MYH9: variants seen among roughly 807,000 people sequenced by gnomAD.
The protein encoded by MYH9 is myosin heavy chain 9, also known as myosin-9.
A neutral mutation model predicts 241.9 loss-of-function variants in MYH9; 29 were observed. That is an observed-to-expected ratio of 0.12 (90% CI 0.09 to 0.16). The LOEUF (loss-of-function observed/expected upper bound fraction) is 0.16, where lower values mean the gene tolerates loss of function less well. MYH9 is among the 10% of genes least tolerant of loss of function. The pLI, the probability that MYH9 is intolerant of heterozygous loss-of-function variation, is 1.00. For missense variants in MYH9, 1,803 were observed against 2,595.5 expected (o/e 0.69, Z 6.63); for synonymous variants, 1,047 against 1,062.6 (o/e 0.99, Z 0.29).
chr22:36,284,603 T>G, intron 38 of MYH9, 92 bp from the exon 39 acceptor site: 1 of 1,217,644 alleles, frequency 8.2e-7, no homozygotes, highest in Non-Finnish European at 1.2e-6. Context: ...TCCCCGGGGC[T>G]CACTGGCATC....
intron 31 of MYH9, 68 bp downstream of exon 31, chr22:36,291,918 G>A: frequency 6.2e-7 from 1 of 1,609,766 alleles, no homozygotes; most frequent in Non-Finnish European, 8.5e-7. Context: ...TTCTCTGATG[G>A]GCCCTTTGCT....
chr22:36,325,942 G>A (rs1254299832), intron 5 of MYH9, among the ~76,000 whole-genome samples: 1 of 152,204 alleles, frequency 6.6e-6, no homozygotes, highest in East Asian at 1.9e-4. Context: ...AAGCTGCTTA[G>A]AACAAAATAC....
chr22:36,353,274 G>A (rs909126391), intron 1 of MYH9, among the ~76,000 whole-genome samples: 4 of 152,156 alleles, frequency 2.6e-5, no homozygotes, highest in East Asian at 1.9e-4. Flanking sequence ...GCACGACAGC[G>A]GGATACCCGG....
In MYH9 at chr22:36,306,104, G is replaced by C; in HGVS notation, c.2038-53C>G. 1.2e-6 allele frequency: 2 copies of C among 1,608,762 alleles called. No homozygotes were observed. The highest frequency in any genetic ancestry group is 1.7e-6 in the Non-Finnish European group (2 of 1,179,896). ...CTCACTTCCGTGCCTAGAACAGTCGGAGAATAGTCAGGGAACCCCTATGAA... is the reference window on the plus strand; with the variant it reads ...CTCACTTCCGTGCCTAGAACAGTCGCAGAATAGTCAGGGAACCCCTATGAA... On this transcript the variant is annotated intron_variant, in intron 16 of 40. Coordinates refer to ENST00000216181, the MANE Select transcript of MYH9 (RefSeq NM_002473.6). The surrounding 1 kb of genome is among the most constrained non-coding windows in gnomAD (Gnocchi z 4.1).
At chr22:36,340,277 T>C (rs2017564239) in intron 3 of MYH9, among the ~76,000 whole-genome samples, 1 of 151,830 alleles carries the variant, frequency 6.6e-6, no homozygotes, top group Middle Eastern at 3.2e-3. Flanking sequence ...CTTTCTATGA[T>C]TTGTCAAGAT....
Position 36,285,633 on chromosome 22 carries a change from G to A in MYH9, c.5274+25C>T, listed in dbSNP as rs780384674. On this transcript the variant is annotated intron_variant, in intron 37 of 40. Transcript: ENST00000216181. The surrounding 1 kb of genome is among the most constrained non-coding windows in gnomAD (Gnocchi z 7.0). ...CCGTGGTGGCTCCAGCCAGAGCCCA[G>A]AGTGGGAGAAGTCCTGGCACCCACC... The A allele has an allele frequency of 3.1e-6, 5 of 1,611,418 alleles. No homozygotes were observed. In the African/African-American group the frequency reaches 5.3e-5, roughly 17 times the overall value.
chr22:36,357,181 A>G (rs1393858513), intron 1 of MYH9, among the ~76,000 whole-genome samples: 1 of 152,200 alleles, frequency 6.6e-6, no homozygotes, highest in East Asian at 1.9e-4. Context: ...TGCCGTGGGA[A>G]CAAAGAGAAA....
intron 35 of MYH9, 189 bp from the exon 36 acceptor site, chr22:36,286,142 A>G (rs2016576554): frequency 3.1e-6 from 2 of 640,634 alleles, no homozygotes; most frequent in East Asian, 2.7e-5. Flanking sequence ...CCATATGTTT[A>G]TAAAACTCTT....
In MYH9 at chr22:36,300,106, G is replaced by A. The variant is rs764285534; in HGVS notation, c.2976+21C>T. 1 of 1,608,330 alleles carries A rather than the reference G, an allele frequency of 6.2e-7. No individual in the cohort carries two copies. The highest frequency in any genetic ancestry group is 1.1e-5 in the South Asian group (1 of 91,084). ...CCACGGCGCCCCTGGAGCAGCGGCAGGCGACAGCCACGGGCCTCACCTTGG... is the reference window on the plus strand; with the variant it reads ...CCACGGCGCCCCTGGAGCAGCGGCAAGCGACAGCCACGGGCCTCACCTTGG... On this transcript the variant is annotated intron_variant, in intron 23 of 40. Transcript: ENST00000216181. This position sits in a 1 kb window ranked among gnomAD's most constrained non-coding sequence, Gnocchi z 5.0.
intron 3 of MYH9, among the ~76,000 whole-genome samples, chr22:36,335,763 T>C (rs2017488476): frequency 6.6e-6 from 1 of 152,208 alleles, no homozygotes; most frequent in Admixed American, 6.5e-5. Flanking sequence ...CCCACGGGCC[T>C]GTGCCAGGGT....
intron 3 of MYH9, among the ~76,000 whole-genome samples, chr22:36,333,766 T>C (rs2146376871): frequency 6.6e-6 from 1 of 152,326 alleles, no homozygotes; most frequent in South Asian, 2.1e-4. Flanking sequence ...TGTTCAGCCC[T>C]GACAAACTGG....
At chr22:36,384,137 G>A (rs887591388) in intron 1 of MYH9, among the ~76,000 whole-genome samples, 5 of 151,792 alleles carry the variant, frequency 3.3e-5, no homozygotes, top group African/African-American at 1.2e-4. Context: ...CAAGTATGGT[G>A]GCAGGCACCT....
chr22:36,322,751 T>C (rs756233706), intron 5 of MYH9, among the ~76,000 whole-genome samples: 1 of 152,242 alleles, frequency 6.6e-6, no homozygotes, highest in Non-Finnish European at 1.5e-5. Flanking sequence ...TTGAACTTAC[T>C]TCCATGGCCC....
intron 3 of MYH9, among the ~76,000 whole-genome samples, chr22:36,334,090 CAAAA>C (rs34562734): frequency 2.5e-5 from 3 of 118,986 alleles, no homozygotes; most frequent in Non-Finnish European, 5.4e-5. Flanking sequence ...GTTGGATTTA[CAAAA>C]AAAAAAAAAA....
chr22:36,331,294 G>C (rs2017416537), intron 3 of MYH9, among the ~76,000 whole-genome samples: 1 of 152,166 alleles, frequency 6.6e-6, no homozygotes, highest in East Asian at 1.9e-4. Flanking sequence ...TGCTGTCTCG[G>C]AGCTCCCAAC....
Position 36,292,089 on chromosome 22 carries a change from G to C in MYH9, c.4241C>G (p.Thr1414Ser). Reference sequence around the variant, plus strand: ...CAGCTCCTGCTGCAGCCGCGTCTTGGTCTTCTCCAGCTTGTCGTAGGCGGC... The same window carrying C: ...CAGCTCCTGCTGCAGCCGCGTCTTGCTCTTCTCCAGCTTGTCGTAGGCGGC... ...KVAAYDKLEK[T>S]KTRLQQELDD... is the part of the protein sequence containing the mutation. The change falls in exon 31 of 41, where the codon ACC becomes AGC. Residue 1414 changes from threonine (T) to serine (S), a missense_variant. Around this residue, in one of 11 missense-constraint regions of MYH9, gnomAD observed 876 missense variants for 1,077.8 expected, o/e 0.81. Transcript: ENST00000216181. The C allele has an allele frequency of 6.2e-7, 1 of 1,614,156 alleles. No homozygotes were observed.
At chr22:36,337,527 G>A (rs1355280890) in intron 3 of MYH9, among the ~76,000 whole-genome samples, 2 of 152,190 alleles carry the variant, frequency 1.3e-5, no homozygotes, top group Non-Finnish European at 2.9e-5. Flanking sequence ...CCCCAGGAAG[G>A]GTCAAAGAGC....
In MYH9 at chr22:36,288,211, C is replaced by G. The variant is rs769549312; in HGVS notation, c.4932+41G>C. The stretch of plus-strand genomic sequence containing the variant: ...CACCTTCATATGTAGTTGGCTCAGT[C>G]GGGTGCCGCCCACCCTCACCTGGGC... On this transcript the variant is annotated intron_variant, in intron 34 of 40. Transcript: ENST00000216181. This position sits in a 1 kb window ranked among gnomAD's most constrained non-coding sequence, Gnocchi z 4.8. 1 of 1,610,600 alleles carries G rather than the reference C, an allele frequency of 6.2e-7. No homozygotes were observed. Among genetic ancestry groups the G allele is most frequent in the Non-Finnish European group, 8.5e-7 (1 of 1,179,434 alleles).
At position 36,354,725 on chromosome 22, in the gene MYH9, T is replaced by C. The variant is rs575670851; in HGVS notation, c.-19-5470A>G. Among the ~76,000 whole-genome samples the C allele has an allele frequency of 5.9e-5, 9 of 152,168 alleles. No homozygotes were observed. The South Asian group carries it at 1.2e-3, about 21-fold the overall frequency. On this transcript the variant is annotated intron_variant, in intron 1 of 40. Coordinates refer to ENST00000216181, the MANE Select transcript of MYH9 (RefSeq NM_002473.6). ...TCCCAAAGTGCTGGGCTTACAGGCGTGAGCCACCGCACCCGGCCGTAGTGT... is the reference window on the plus strand; with the variant it reads ...TCCCAAAGTGCTGGGCTTACAGGCGCGAGCCACCGCACCCGGCCGTAGTGT...
Sources: allele counts gnomAD v4.1 joint callset (sites outside exome capture counted in the v4.1 genomes callset), GRCh38; gene constraint gnomAD v4.1.1; regional missense constraint gnomAD v4.1.1; non-coding constraint Gnocchi (gnomAD v3.1); transcripts MANE v1.5; gene names NCBI Gene and HGNC (gene_info 2026-07-23, HGNC 2026-07-21).